TENM3: variants seen among roughly 807,000 people sequenced by gnomAD.
TENM3 encodes teneurin-3.
TENM3 carries 63 observed loss-of-function variants against 255.1 expected under a neutral mutation model. The observed-to-expected ratio is 0.25, with a 90% CI of 0.20 to 0.30. The LOEUF (loss-of-function observed/expected upper bound fraction) is 0.30, where lower values mean the gene tolerates loss of function less well. Among genes scored for constraint, TENM3 ranks in the 10% least tolerant of loss-of-function variants. The probability of loss-of-function intolerance (pLI) is 1.00; values close to 1 mark genes in which losing one functional copy is unlikely to be tolerated. For synonymous variants in TENM3, 1,306 were observed against 1,322.3 expected, an observed-to-expected ratio of 0.99 and a Z score of 0.27; for missense variants, 2,929 against 3,461.1, an observed-to-expected ratio of 0.85 and a Z score of 3.86.
the TENM3 span, among the ~76,000 whole-genome samples, chr4:182,122,514 C>T: frequency 1.2e-4 from 18 of 152,044 alleles, no homozygotes; most frequent in African/African-American, 4.1e-4. Flanking sequence ...CTTGGGTGAC[C>T]AGGTATGTTA....
intron 1 of TENM3, among the ~76,000 whole-genome samples, chr4:182,162,576 T>A (rs1446123796): frequency 6.6e-6 from 1 of 152,202 alleles, no homozygotes; most frequent in Non-Finnish European, 1.5e-5. Context: ...AGCCTGTTCA[T>A]GCTGCTGTAA....
chr4:182,140,005 T>C (rs183266659), upstream of TENM3, among the ~76,000 whole-genome samples: 3 of 152,358 alleles, frequency 2.0e-5, no homozygotes, highest in Admixed American at 1.3e-4. Flanking sequence ...CAAACAGTCA[T>C]TGAATTTTAT....
chr4:182,107,147 AACAT>A, the TENM3 span, among the ~76,000 whole-genome samples: 1 of 102,276 alleles, frequency 9.8e-6, no homozygotes, highest in South Asian at 3.5e-4. Flanking sequence ...GGTGAAACAG[AACAT>A]ACACACACAC....
chr4:181,811,043 T>C, the TENM3 span, among the ~76,000 whole-genome samples: 2 of 152,240 alleles, frequency 1.3e-5, no homozygotes, highest in African/African-American at 4.8e-5. Context: ...AGAAGCAGCA[T>C]ATGGAGAGAT....
chr4:182,169,471 C>T, intron 1 of TENM3: 1 of 327,004 alleles, frequency 3.1e-6, no homozygotes, highest in Non-Finnish European at 6.0e-6. Context: ...TTACTACCAC[C>T]TAAAATATGA....
the TENM3 span, among the ~76,000 whole-genome samples, chr4:181,726,132 T>G: frequency 6.6e-6 from 1 of 152,222 alleles, no homozygotes; most frequent in East Asian, 1.9e-4. Context: ...AAATATATTT[T>G]ATGAAATTAG....
the TENM3 span, among the ~76,000 whole-genome samples, chr4:181,855,560 A>G: frequency 6.6e-6 from 1 of 152,210 alleles, no homozygotes; most frequent in South Asian, 2.1e-4. Flanking sequence ...CCAATTTCAA[A>G]TAAGGAAAGT....
At chr4:182,617,734 T>C (rs1025575878) in intron 4 of TENM3, among the ~76,000 whole-genome samples, 2 of 152,220 alleles carry the variant, frequency 1.3e-5, no homozygotes, top group Non-Finnish European at 2.9e-5. Context: ...GATTACTTTT[T>C]ATCGATTTAC....
At chr4:181,634,548 C>A in the TENM3 span, among the ~76,000 whole-genome samples, 3 of 152,028 alleles carry the variant, frequency 2.0e-5, no homozygotes, top group Non-Finnish European at 4.4e-5. Flanking sequence ...CCATATGCCT[C>A]AAGTGATTGA....
the TENM3 span, among the ~76,000 whole-genome samples, chr4:181,918,293 T>C: frequency 1.3e-5 from 2 of 152,194 alleles, no homozygotes; most frequent in Admixed American, 1.3e-4. Flanking sequence ...TAGCTTTTCC[T>C]TAACTTTTAG....
chr4:182,731,105 C>T lies in TENM3; in HGVS notation c.2933C>T (p.Ser978Phe), dbSNP rs921497238. Reference sequence around the variant, plus strand: ...CCTTTATCCACCTTTTTCAGATCTTCTCCTGAAGACAGTCCCATCATTCCC... The same window carrying T: ...CCTTTATCCACCTTTTTCAGATCTTTTCCTGAAGACAGTCCCATCATTCCC... The part of the protein sequence containing the change: ...SSPLSTFFRS[S>F]PEDSPIIPET... The change falls in exon 16 of 28, where the codon TCT (serine) becomes TTT (phenylalanine). Residue 978 changes from serine (S) to phenylalanine (F), a missense_variant. Ser to Phe is a radical substitution (Grantham distance 155). Around this residue, in one of 6 missense-constraint regions of TENM3, gnomAD observed 1,608 missense variants for 1,884.4 expected, o/e 0.85. Transcript: ENST00000511685. The T allele has an allele frequency of 6.2e-7, 1 of 1,613,744 alleles. No individual in the cohort carries two copies. The highest frequency in any genetic ancestry group is 2.2e-5 in the East Asian group (1 of 44,894).
intron 4 of TENM3, among the ~76,000 whole-genome samples, chr4:182,621,644 A>C: frequency 1.0e-5 from 1 of 96,434 alleles, no homozygotes; most frequent in Admixed American, 1.4e-4. Context: ...AATATATAAT[A>C]CATATTATAA....
At chr4:181,493,614 G>T in the TENM3 span, among the ~76,000 whole-genome samples, 2 of 152,006 alleles carry the variant, frequency 1.3e-5, no homozygotes, top group Admixed American at 6.6e-5. Context: ...GGGCATGGTG[G>T]TGCATGCCTG....
chr4:181,752,577 G>A, the TENM3 span, among the ~76,000 whole-genome samples: 8 of 151,956 alleles, frequency 5.3e-5, no homozygotes, highest in Admixed American at 5.3e-4. Context: ...TGGAATGTAG[G>A]TATCAATCAA....
chr4:181,551,807 A>AATATATATATATAT, the TENM3 span, among the ~76,000 whole-genome samples: 2 of 140,970 alleles, frequency 1.4e-5, no homozygotes, highest in African/African-American at 5.3e-5. Flanking sequence ...GGCAGTTAAT[A>AATATATATATATAT]ATATATATAT....
At chr4:181,694,558 A>C in the TENM3 span, among the ~76,000 whole-genome samples, 1 of 152,208 alleles carries the variant, frequency 6.6e-6, no homozygotes, top group African/African-American at 2.4e-5. Flanking sequence ...ACTACAGTGC[A>C]CTTCTTTACA....
chr4:182,110,497 T>C, the TENM3 span, among the ~76,000 whole-genome samples: 1 of 151,932 alleles, frequency 6.6e-6, no homozygotes. Context: ...GCTAATTTTT[T>C]TTTTCTTTTG....
At chr4:181,796,330 C>T in the TENM3 span, among the ~76,000 whole-genome samples, 3 of 152,120 alleles carry the variant, frequency 2.0e-5, no homozygotes, top group Non-Finnish European at 4.4e-5. Context: ...ATGAATTATA[C>T]AAGAAGAAAG....
chr4:181,779,576 A>G, the TENM3 span, among the ~76,000 whole-genome samples: 2 of 151,980 alleles, frequency 1.3e-5, no homozygotes, highest in South Asian at 4.1e-4. Flanking sequence ...TAAATCTTCA[A>G]TACTTATTTA....
Sources: gnomAD v4.1 joint callset for allele counts (sites outside exome capture counted in the v4.1 genomes callset) on GRCh38, gnomAD v4.1.1 for gene constraint, gnomAD v4.1.1 regional missense constraint, MANE v1.5 for transcripts, NCBI Gene and HGNC (gene_info 2026-07-23, HGNC 2026-07-21) for gene names.